Variants in AOPEP observed in about 807,000 individuals in gnomAD.
AOPEP encodes the protein aminopeptidase O (putative), also known as aminopeptidase O.
Under a neutral mutation model 98.1 loss-of-function variants are expected in AOPEP, and 77 were observed. The observed-to-expected ratio is 0.78, with a 90% confidence interval of 0.65 to 0.95. The LOEUF (loss-of-function observed/expected upper bound fraction) is 0.95. Ranked by LOEUF, AOPEP falls within the 40% of genes least tolerant of loss-of-function variation. AOPEP has a pLI of 0.00. For missense variants in AOPEP, 1,024 were observed against 1,024.7 expected (o/e 1.00, Z 0.01); for synonymous variants, 346 against 365.3 (o/e 0.95, Z 0.60).
At chr9:94,793,353 AAAAACAAAAC>A (rs55646763) in intron 4 of AOPEP, among the ~76,000 whole-genome samples, 2,269 of 150,808 alleles carry the variant, frequency 0.015, 33 homozygotes, top group Middle Eastern at 0.028. Flanking sequence ...TCTCAAAACA[AAAAACAAAAC>A]AAAACAAAAC....
chr9:94,923,028 A>G (rs1460426817), intron 5 of AOPEP, among the ~76,000 whole-genome samples: 1 of 152,134 alleles, frequency 6.6e-6, no homozygotes, highest in Non-Finnish European at 1.5e-5. Context: ...ACAGTTTCCT[A>G]ATTTGGAAGG....
chr9:94,816,038 T>G (rs1324691358), intron 5 of AOPEP, among the ~76,000 whole-genome samples: 1 of 152,216 alleles, frequency 6.6e-6, no homozygotes, highest in East Asian at 1.9e-4. Flanking sequence ...ATATATTTTC[T>G]TAGGGCCTTC....
intron 5 of AOPEP, among the ~76,000 whole-genome samples, chr9:94,849,183 T>G (rs549236404): frequency 6.6e-6 from 1 of 152,310 alleles, no homozygotes; most frequent in Admixed American, 6.5e-5. Context: ...AGGAATTGAG[T>G]AGCTTAAATT....
rs184040379 is a variant in AOPEP, at chr9:94,742,148, G to T, written c.-136+15397G>T. On this transcript the variant is annotated intron_variant, in intron 1 of 16. Coordinates refer to ENST00000375315, the MANE Select transcript of AOPEP (RefSeq NM_001193329.3). ...TGGTCTTAGCTGCTGGGTCACAGTT[G>T]TTGCAGTCAATACAGAGAAGAGTTG... Among the ~76,000 whole-genome samples, 231 of 152,344 alleles carry T rather than the reference G, an allele frequency of 1.5e-3. 1 individual carries two copies. Among genetic ancestry groups the T allele is most frequent in the African/African-American group, 5.3e-3 (220 of 41,582 alleles).
chr9:95,033,115 C>T (rs939370952), intron 13 of AOPEP, among the ~76,000 whole-genome samples: 2 of 152,158 alleles, frequency 1.3e-5, no homozygotes, highest in African/African-American at 2.4e-5. Context: ...AGCTCCTGTG[C>T]TATGTGCTGT....
intron 5 of AOPEP, among the ~76,000 whole-genome samples, chr9:94,898,096 T>C (rs991403976): frequency 6.6e-6 from 1 of 151,950 alleles, no homozygotes; most frequent in Non-Finnish European, 1.5e-5. Flanking sequence ...TGCCTCAGCC[T>C]CCCGAAATGC....
the AOPEP span, among the ~76,000 whole-genome samples, chr9:95,120,448 C>T: frequency 5.9e-5 from 9 of 151,570 alleles, no homozygotes; most frequent in East Asian, 1.7e-3. Context: ...AGCATCTCGC[C>T]CTGTCTTCCA....
At chr9:94,733,254 G>A (rs989010625) in intron 1 of AOPEP, among the ~76,000 whole-genome samples, 1 of 151,686 alleles carries the variant, frequency 6.6e-6, no homozygotes, top group African/African-American at 2.4e-5. Flanking sequence ...CTACAGGTGC[G>A]CACCACCATG....
chr9:95,096,746 C>T, the AOPEP span, among the ~76,000 whole-genome samples: 2 of 152,222 alleles, frequency 1.3e-5, no homozygotes, highest in South Asian at 2.1e-4. Flanking sequence ...CTTTCAGCCC[C>T]ACCCATGTTT....
intron 7 of AOPEP, among the ~76,000 whole-genome samples, chr9:94,948,382 T>A (rs2057842372): frequency 7.1e-6 from 1 of 141,094 alleles, no homozygotes; most frequent in African/African-American, 3.2e-5. Flanking sequence ...GAAGTCAAGA[T>A]GCCCCACTGA....
At chr9:95,044,384 G>C (rs1395485248) in intron 13 of AOPEP, among the ~76,000 whole-genome samples, 1 of 152,006 alleles carries the variant, frequency 6.6e-6, no homozygotes, top group Non-Finnish European at 1.5e-5. Context: ...GATGCAGGTG[G>C]GGGTGGGAGT....
At chr9:95,095,596 C>A in the AOPEP span, among the ~76,000 whole-genome samples, 2 of 152,196 alleles carry the variant, frequency 1.3e-5, no homozygotes, top group Non-Finnish European at 2.9e-5. Flanking sequence ...CAGTTTTACC[C>A]ACCTTTTCTC....
intron 13 of AOPEP, among the ~76,000 whole-genome samples, chr9:95,026,958 A>G (rs1031054104): frequency 6.6e-6 from 1 of 152,340 alleles, no homozygotes; most frequent in Admixed American, 6.5e-5. Flanking sequence ...AGCATTGTTA[A>G]CACATGTTAA....
At chr9:94,915,899 A>T (rs971989664) in intron 5 of AOPEP, among the ~76,000 whole-genome samples, 7 of 152,238 alleles carry the variant, frequency 4.6e-5, no homozygotes, top group African/African-American at 7.2e-5. Context: ...GACAAGGAAC[A>T]TGGGAAGATT....
chr9:94,845,585 G>A (rs966986949), intron 5 of AOPEP, among the ~76,000 whole-genome samples: 1 of 152,190 alleles, frequency 6.6e-6, no homozygotes, highest in Non-Finnish European at 1.5e-5. Context: ...ATCTACATGC[G>A]AGATAATGGT....
intron 5 of AOPEP, among the ~76,000 whole-genome samples, chr9:94,883,001 G>C (rs2047770233): frequency 1.3e-5 from 2 of 152,112 alleles, no homozygotes; most frequent in South Asian, 4.1e-4. Context: ...CTGAAGTCTG[G>C]GGCTTCTAAA....
At chr9:94,818,441 T>C (rs1852183100) in intron 5 of AOPEP, among the ~76,000 whole-genome samples, 2 of 152,166 alleles carry the variant, frequency 1.3e-5, no homozygotes, top group South Asian at 2.1e-4. Context: ...AGTATGACAA[T>C]ATGAAAGGTT....
intron 5 of AOPEP, among the ~76,000 whole-genome samples, chr9:94,860,585 A>T (rs2044815967): frequency 6.6e-6 from 1 of 152,056 alleles, no homozygotes; most frequent in South Asian, 2.1e-4. Context: ...GGTGGGGAAA[A>T]TTGGAGAGTT....
At chr9:95,008,180 G>A (rs1202796698) in intron 13 of AOPEP, among the ~76,000 whole-genome samples, 5 of 152,038 alleles carry the variant, frequency 3.3e-5, no homozygotes, top group Non-Finnish European at 5.9e-5. Context: ...CCTTGCCTCC[G>A]TTCATCCCCT....
Sources: gnomAD v4.1 joint callset for allele counts (sites outside exome capture counted in the v4.1 genomes callset) on GRCh38, gnomAD v4.1.1 for gene constraint, MANE v1.5 for transcripts, NCBI Gene and HGNC (gene_info 2026-07-23, HGNC 2026-07-21) for gene names.